Variants in UBE3D observed in about 807,000 individuals in gnomAD.
UBE3D encodes ubiquitin protein ligase E3D, also known as E3 ubiquitin-protein ligase E3D.
In UBE3D, 48 loss-of-function variants were observed where a neutral mutation model predicts 49.6. That is an observed-to-expected ratio of 0.97 (90% CI 0.77 to 1.23). UBE3D has a LOEUF of 1.23. Ranked by LOEUF, UBE3D falls within the 50% of genes most tolerant of loss-of-function variation. The probability of loss-of-function intolerance (pLI) is 0.00; values close to 1 mark genes in which losing one functional copy is unlikely to be tolerated. For synonymous variants in UBE3D, 189 were observed against 174.2 expected, an observed-to-expected ratio of 1.08 and a Z score of -0.67; for missense variants, 452 against 468.4, an observed-to-expected ratio of 0.96 and a Z score of 0.32.
chr6:83,048,097 A>AC (rs1012564249), intron 3 of UBE3D, among the ~76,000 whole-genome samples: 1 of 150,896 alleles, frequency 6.6e-6, no homozygotes, highest in African/African-American at 2.5e-5. Context: ...AAAAAAAAAA[A>AC]AAAAAAAATC....
intron 8 of UBE3D, among the ~76,000 whole-genome samples, chr6:83,006,070 C>A (rs4434446): frequency 0.63 from 95,853 of 151,856 alleles, 31,289 homozygotes; most frequent in East Asian, 0.78. Context: ...ACTAAAAATA[C>A]AAAAATTAGC....
intron 8 of UBE3D, among the ~76,000 whole-genome samples, chr6:82,962,447 T>C (rs899214749): frequency 2.0e-5 from 3 of 152,164 alleles, no homozygotes; most frequent in African/African-American, 7.2e-5. Context: ...TGGAGTCAGG[T>C]ATACAACCTG....
chr6:83,001,016 G>A (rs1395511812), intron 8 of UBE3D, among the ~76,000 whole-genome samples: 1 of 152,046 alleles, frequency 6.6e-6, no homozygotes, highest in Non-Finnish European at 1.5e-5. Flanking sequence ...GGCTAATCTT[G>A]CATTTTTAGT....
chr6:83,045,823 T>C lies in UBE3D; in HGVS notation c.366-1164A>G, dbSNP rs1782987669. Among the ~76,000 whole-genome samples, 3 of 152,306 alleles carry C rather than the reference T, an allele frequency of 2.0e-5. No individual in the cohort carries two copies. In the South Asian group the frequency reaches 6.2e-4, roughly 32 times the overall value. ...TGTTTTTCCACTAATATCCTTTTTT[T>C]CTGTTCCAAGATCTAATTTATGATA... On this transcript the variant is annotated intron_variant, in intron 3 of 9. Coordinates refer to ENST00000369747, the MANE Select transcript of UBE3D (RefSeq NM_198920.3).
intron 8 of UBE3D, among the ~76,000 whole-genome samples, chr6:83,005,776 A>C (rs1305572419): frequency 6.6e-6 from 1 of 152,206 alleles, no homozygotes; most frequent in African/African-American, 2.4e-5. Flanking sequence ...AAAATGTGAT[A>C]TATACATACC....
chr6:82,963,521 G>A (rs866731179), intron 8 of UBE3D, among the ~76,000 whole-genome samples: 42 of 152,294 alleles, frequency 2.8e-4, no homozygotes, highest in Non-Finnish European at 1.5e-5. Flanking sequence ...ACCAGCCCCA[G>A]TCCCAAAGCC....
intron 9 of UBE3D, among the ~76,000 whole-genome samples, chr6:82,934,489 G>C (rs1189367475): frequency 2.0e-5 from 3 of 152,098 alleles, no homozygotes; most frequent in Non-Finnish European, 4.4e-5. Context: ...CGACTTACAT[G>C]GGGTTTCTCA....
chr6:82,932,536 C>T (rs1163130180), intron 9 of UBE3D: 1 of 152,132 alleles, frequency 6.6e-6, no homozygotes, highest in Non-Finnish European at 1.5e-5. Flanking sequence ...GATTCCAAAT[C>T]ACCCTTAGGC....
At chr6:82,928,317 C>A (rs1003025686) in intron 9 of UBE3D, among the ~76,000 whole-genome samples, 10 of 152,174 alleles carry the variant, frequency 6.6e-5, no homozygotes, top group Admixed American at 4.6e-4. Context: ...AACAAGCCAA[C>A]AAGTCTCTCA....
intron 2 of UBE3D, among the ~76,000 whole-genome samples, chr6:83,055,602 TTTC>T: frequency 6.6e-6 from 1 of 152,304 alleles, no homozygotes; most frequent in East Asian, 1.9e-4. Flanking sequence ...TAAAATTCAG[TTTC>T]TGATATAGAG....
intron 8 of UBE3D, among the ~76,000 whole-genome samples, chr6:82,966,231 TA>T (rs1776909921): frequency 6.6e-6 from 1 of 152,008 alleles, no homozygotes; most frequent in Non-Finnish European, 1.5e-5. Context: ...GAAAGCAGAT[TA>T]GGGGTTGTCA....
At chr6:82,913,539 C>T (rs1772684891) in intron 9 of UBE3D, among the ~76,000 whole-genome samples, 1 of 152,198 alleles carries the variant, frequency 6.6e-6, no homozygotes, top group Non-Finnish European at 1.5e-5. Context: ...TTTACATTAG[C>T]ATCCCATTCA....
At chr6:83,033,315 C>T (rs1211686048) in intron 5 of UBE3D, among the ~76,000 whole-genome samples, 1 of 152,100 alleles carries the variant, frequency 6.6e-6, no homozygotes, top group African/African-American at 2.4e-5. Flanking sequence ...TTGGAGATTA[C>T]ATTTTATTAT....
intron 9 of UBE3D, among the ~76,000 whole-genome samples, chr6:82,898,647 G>A (rs1771508558): frequency 6.6e-6 from 1 of 151,626 alleles, no homozygotes; most frequent in Non-Finnish European, 1.5e-5. Flanking sequence ...TGGACACAGG[G>A]AGAGGAAGAC....
At chr6:82,900,870 C>T (rs1771681105) in intron 9 of UBE3D, among the ~76,000 whole-genome samples, 1 of 152,030 alleles carries the variant, frequency 6.6e-6, no homozygotes, top group Non-Finnish European at 1.5e-5. Flanking sequence ...TATTTCACAC[C>T]AGAAATAAAA....
intron 9 of UBE3D, among the ~76,000 whole-genome samples, chr6:82,954,761 A>C (rs1234072587): frequency 1.3e-5 from 2 of 152,196 alleles, no homozygotes; most frequent in Non-Finnish European, 2.9e-5. Flanking sequence ...GGTGGTACAA[A>C]GATGAAAAAG....
At chr6:83,024,082 T>C in intron 5 of UBE3D, 44 bp from the exon 6 acceptor site, 6 of 1,117,494 alleles carry the variant, frequency 5.4e-6, no homozygotes, top group Non-Finnish European at 7.6e-6. Context: ...AATACACTAA[T>C]AATTTTATTG....
intron 8 of UBE3D, among the ~76,000 whole-genome samples, chr6:82,995,510 A>ACACACACACACACG (rs766604234): frequency 0.012 from 1,825 of 151,658 alleles, 30 homozygotes; most frequent in East Asian, 0.068. Context: ...ACACACACAC[A>ACACACACACACACG]CACACAGTCA....
intron 9 of UBE3D, among the ~76,000 whole-genome samples, chr6:82,953,160 C>T (rs952210729): frequency 1.3e-5 from 2 of 152,242 alleles, no homozygotes; most frequent in Non-Finnish European, 2.9e-5. Flanking sequence ...GCAATGACGT[C>T]AACAGGCTGC....
Sources: gnomAD v4.1 joint callset for allele counts (sites outside exome capture counted in the v4.1 genomes callset) on GRCh38, gnomAD v4.1.1 for gene constraint, MANE v1.5 for transcripts, NCBI Gene and HGNC (gene_info 2026-07-23, HGNC 2026-07-21) for gene names.